Variants in TNFSF8 observed in about 807,000 individuals in gnomAD.
TNFSF8 encodes tumor necrosis factor ligand superfamily member 8.
Under a neutral mutation model 22.0 loss-of-function variants are expected in TNFSF8, and 4 were observed. The ratio of observed to expected loss-of-function variants is 0.18; its 90% CI spans 0.09 to 0.42. The LOEUF is 0.42. Among genes scored for constraint, TNFSF8 ranks in the 10% least tolerant of loss-of-function variants. The probability of loss-of-function intolerance (pLI) is 1.00; values close to 1 mark genes in which losing one functional copy is unlikely to be tolerated. For missense variants in TNFSF8, 233 were observed against 281.8 expected, an observed-to-expected ratio of 0.83 and a Z score of 1.24; for synonymous variants, 106 against 112.5, an observed-to-expected ratio of 0.94 and a Z score of 0.37.
rs545625443 is a variant in TNFSF8, at chr9:114,894,579, A to G, written c.410-415T>C. ...GCTCATGAGCTGCTGAAACTTAGAC[A>G]TACTTAAGCATTTCTTCGAGCCTCT... On this transcript the variant is annotated intron_variant, in intron 4 of 4. Coordinates refer to the TNFSF8 transcript ENST00000618336. Among the ~76,000 whole-genome samples the G allele has an allele frequency of 2.0e-5, 3 of 152,230 alleles. No individual in the cohort carries two copies. The South Asian group carries it at 6.2e-4, about 32-fold the overall frequency.
At chr9:114,894,173 AAG>A in intron 4 of TNFSF8, 1 of 1,532,618 alleles carries the variant, frequency 6.5e-7, no homozygotes, top group African/African-American at 1.4e-5. Flanking sequence ...ATCTGGAAGA[AAG>A]AATAACTTTA....
At chr9:114,922,213 GA>G (rs1827997335) in intron 1 of TNFSF8, among the ~76,000 whole-genome samples, 1 of 152,190 alleles carries the variant, frequency 6.6e-6, no homozygotes, top group African/African-American at 2.4e-5. Flanking sequence ...TTTCACAGAG[GA>G]ATGATCAGCA....
chr9:114,928,223 G>T (rs950566902), intron 1 of TNFSF8, among the ~76,000 whole-genome samples: 1 of 152,094 alleles, frequency 6.6e-6, no homozygotes, highest in Non-Finnish European at 1.5e-5. Flanking sequence ...AGAAGATAAA[G>T]CTCCCAAGAG....
At chr9:114,929,357 CTT>C (rs370592705) in intron 1 of TNFSF8, among the ~76,000 whole-genome samples, 27 of 132,968 alleles carry the variant, frequency 2.0e-4, no homozygotes, top group East Asian at 2.2e-4. Context: ...TGTGCTGTTT[CTT>C]TTTTTTTTTT....
chr9:114,896,662 C>G (rs988876384), downstream of TNFSF8, among the ~76,000 whole-genome samples: 5 of 152,120 alleles, frequency 3.3e-5, no homozygotes, highest in Admixed American at 3.3e-4. Context: ...TAAGGTTAAT[C>G]TCACTATTTC....
rs772404171 is a variant in TNFSF8 at position 114,923,905 on chromosome 9, C to A, written c.196-5767G>T. Among the ~76,000 whole-genome samples the A allele has an allele frequency of 2.0e-5, 3 of 151,442 alleles. No homozygotes were observed. In the South Asian group the frequency reaches 6.2e-4, roughly 31 times the overall value. ...TTAATCAAGTGACTAAACCTATAGT[C>A]AAAAAAAATGGGACAACCTGACATA... On this transcript the variant is annotated intron_variant, in intron 1 of 3. Coordinates refer to ENST00000223795, the MANE Select transcript of TNFSF8 (RefSeq NM_001244.4).
chr9:114,920,948 C>A (rs558464402), intron 1 of TNFSF8, among the ~76,000 whole-genome samples: 1 of 152,272 alleles, frequency 6.6e-6, no homozygotes, highest in African/African-American at 2.4e-5. Flanking sequence ...GGATTACAAG[C>A]GTGAGCCACC....
chr9:114,912,677 C>T (rs1587935226), intron 2 of TNFSF8, among the ~76,000 whole-genome samples: 1 of 152,242 alleles, frequency 6.6e-6, no homozygotes, highest in East Asian at 1.9e-4. Context: ...TGACTGCTTC[C>T]AGTGTGGTGT....
At chr9:114,898,310 C>T (rs1269209639), downstream of TNFSF8, among the ~76,000 whole-genome samples, 2 of 152,098 alleles carry the variant, frequency 1.3e-5, no homozygotes, top group East Asian at 3.9e-4. Context: ...CTCAATGATG[C>T]CTATTTCGTT....
chr9:114,924,068 G>T (rs991610835), intron 1 of TNFSF8, among the ~76,000 whole-genome samples: 1 of 152,068 alleles, frequency 6.6e-6, no homozygotes, highest in Non-Finnish European at 1.5e-5. Flanking sequence ...CAACAGAATT[G>T]GCCTGGACCC....
Position 114,901,982 on chromosome 9 carries a change from A to G in TNFSF8, c.*1949T>C. 1.0e-6 allele frequency: 1 copy of G among 984,942 alleles called. No individual in the cohort carries two copies. The highest frequency in any genetic ancestry group is 1.2e-6 in the Non-Finnish European group (1 of 829,816). 61.0% of individuals were successfully genotyped at this position (984,942 alleles called of 1,614,324 possible). A position where few individuals can be genotyped will look rare whatever the true frequency, so the allele number is the denominator to read the frequency against. On this transcript the variant is annotated 3_prime_UTR_variant, in exon 4 of 4. Transcript: ENST00000223795. ...TTCTGACAAACTTTGCTGGAGTCCT[A>G]CTCCTTTTCTCTCCTTCTTGAGAAA... is the stretch of plus-strand genomic sequence containing the variant.
intron 2 of TNFSF8, among the ~76,000 whole-genome samples, chr9:114,906,180 G>C (rs1827782539): frequency 6.6e-6 from 1 of 152,074 alleles, no homozygotes; most frequent in Non-Finnish European, 1.5e-5. Flanking sequence ...AATGTGTCAG[G>C]GGCCATTTTT....
In TNFSF8 at chr9:114,908,964, A is replaced by C. The variant is rs540822952; in HGVS notation, c.239-3065T>G. 2.6e-5 allele frequency among the ~76,000 whole-genome samples: 4 copies of C among 152,308 alleles called. No homozygotes were observed. In the East Asian group the frequency reaches 7.7e-4, roughly 29 times the overall value. On this transcript the variant is annotated intron_variant, in intron 2 of 3. Coordinates refer to ENST00000223795, the MANE Select transcript of TNFSF8 (RefSeq NM_001244.4). ...TAAACCTCCAAGTGGAAGAGGAAGGAGATGAAGCCCTCAGCTAAGAGCTAA... is the reference window on the plus strand; with the variant it reads ...TAAACCTCCAAGTGGAAGAGGAAGGCGATGAAGCCCTCAGCTAAGAGCTAA...
At chr9:114,895,341 C>T (rs1435121551) in intron 4 of TNFSF8, among the ~76,000 whole-genome samples, 1 of 152,198 alleles carries the variant, frequency 6.6e-6, no homozygotes, top group East Asian at 1.9e-4. Context: ...AGTGCTGCTT[C>T]TAGAGAGGCA....
chr9:114,918,688 G>T (rs566236589), intron 1 of TNFSF8, among the ~76,000 whole-genome samples: 4 of 152,110 alleles, frequency 2.6e-5, no homozygotes, highest in African/African-American at 9.7e-5. Flanking sequence ...TGCAACCTCC[G>T]CCTCCCAGTT....
Position 114,930,580 on chromosome 9 carries a change from T to C in TNFSF8, c.-277A>G. On this transcript the variant is annotated 5_prime_UTR_variant, in exon 1 of 4. Transcript: ENST00000223795. ...AAGGTGGCTGATGTCAGAGGGCGCG[T>C]AGGAAAATGACGGTTCCCCGACTGT... The C allele has an allele frequency of 3.2e-6, 1 of 311,212 alleles. No individual in the cohort carries two copies. Among genetic ancestry groups the C allele is most frequent in the South Asian group, 7.1e-5 (1 of 14,032 alleles). The allele number at this position is 311,212 out of a possible 1,614,324, so 19.3% of individuals were successfully genotyped here. A position where few individuals can be genotyped will look rare whatever the true frequency, so the allele number is the denominator to read the frequency against.
intron 1 of TNFSF8, among the ~76,000 whole-genome samples, chr9:114,918,439 G>A (rs1306479595): frequency 6.7e-6 from 1 of 148,840 alleles, no homozygotes; most frequent in East Asian, 2.0e-4. Context: ...GAAGATCAGG[G>A]ACCAGAGCTG....
intron 1 of TNFSF8, among the ~76,000 whole-genome samples, chr9:114,920,031 T>G (rs949913465): frequency 6.6e-6 from 1 of 152,246 alleles, no homozygotes; most frequent in African/African-American, 2.4e-5. Context: ...TTTGTTGCCT[T>G]AGTTGAAAGC....
At chr9:114,915,375 C>T (rs1274243150) in intron 2 of TNFSF8, among the ~76,000 whole-genome samples, 2 of 152,154 alleles carry the variant, frequency 1.3e-5, no homozygotes, top group African/African-American at 2.4e-5. Flanking sequence ...AGATGAGGCT[C>T]AGAGAGGAGA....
Sources: gnomAD v4.1 joint callset for allele counts (sites outside exome capture counted in the v4.1 genomes callset) on GRCh38, gnomAD v4.1.1 for gene constraint, MANE v1.5 for transcripts, NCBI Gene and HGNC (gene_info 2026-07-23, HGNC 2026-07-21) for gene names.